The following UNC13C variants were observed in gnomAD, a reference collection of about 807,000 sequenced individuals.
UNC13C encodes the protein protein unc-13 homolog C.
Under a neutral mutation model 245.4 loss-of-function variants are expected in UNC13C, and 174 were observed. That is an observed-to-expected ratio of 0.71 (90% CI 0.63 to 0.80). The LOEUF (loss-of-function observed/expected upper bound fraction) is 0.80. UNC13C is among the 30% of genes least tolerant of loss of function. The pLI is 0.00. For synonymous variants in UNC13C, 992 were observed against 895.1 expected, an observed-to-expected ratio of 1.11 and a Z score of -1.93; for missense variants, 2,829 against 2,602.9, an observed-to-expected ratio of 1.09 and a Z score of -1.89.
chr15:54,449,790 G>A (rs541176730), intron 19 of UNC13C, among the ~76,000 whole-genome samples: 57 of 152,318 alleles, frequency 3.7e-4, no homozygotes, highest in African/African-American at 1.3e-3. Context: ...GTCATTCTCC[G>A]TCCAGCTTTG....
At chr15:54,253,013 C>G (rs762924667) in intron 8 of UNC13C, among the ~76,000 whole-genome samples, 2 of 152,116 alleles carry the variant, frequency 1.3e-5, no homozygotes, top group Non-Finnish European at 2.9e-5. Flanking sequence ...TTTTCAAGTA[C>G]TTAAATTAAT....
At chr15:54,106,468 T>A (rs1900450944) in intron 2 of UNC13C, among the ~76,000 whole-genome samples, 2 of 152,218 alleles carry the variant, frequency 1.3e-5, no homozygotes. Flanking sequence ...GATTCAGATT[T>A]GAGAGGTTAC....
At chr15:53,985,024 G>T (rs950383857) in intron 1 of UNC13C, among the ~76,000 whole-genome samples, 1 of 151,916 alleles carries the variant, frequency 6.6e-6, no homozygotes, top group Non-Finnish European at 1.5e-5. Context: ...GAACGTGCAG[G>T]TTTGTTACAT....
intron 4 of UNC13C, among the ~76,000 whole-genome samples, chr15:54,220,607 A>G (rs1041408610): frequency 6.8e-6 from 1 of 147,322 alleles, no homozygotes; most frequent in Non-Finnish European, 1.5e-5. Flanking sequence ...AATAATAAAA[A>G]TAAAAAAAAT....
Position 54,250,311 on chromosome 15 carries a change from T to A in UNC13C, c.3315T>A (p.Ala1105=). ...TIPHNFEVWT[A]TTPTYCYECE... is the part of the protein sequence containing the mutation. The stretch of plus-strand genomic sequence containing the variant: ...CACACAATTTTGAGGTCTGGACGGC[T>A]ACCACACCCACCTACTGTTATGAGT... The change falls in exon 8 of 33, where the codon GCT becomes GCA. Residue 1105 remains alanine (A), a synonymous_variant. Coordinates refer to ENST00000260323, the MANE Select transcript of UNC13C (RefSeq NM_001080534.3). 6.2e-7 allele frequency: 1 copy of A among 1,613,944 alleles called. No individual in the cohort carries two copies. The highest frequency in any genetic ancestry group is 8.5e-7 in the Non-Finnish European group (1 of 1,179,858).
intron 18 of UNC13C, among the ~76,000 whole-genome samples, chr15:54,414,474 C>T (rs117478900): frequency 6.6e-6 from 1 of 152,006 alleles, no homozygotes; most frequent in Non-Finnish European, 1.5e-5. Flanking sequence ...ATAGTGAAAC[C>T]CTGTCTCTAC....
intron 4 of UNC13C, among the ~76,000 whole-genome samples, chr15:54,172,326 T>G (rs1396734408): frequency 3.3e-5 from 5 of 151,984 alleles, no homozygotes; most frequent in Non-Finnish European, 5.9e-5. Flanking sequence ...CTTATGTGAT[T>G]ATTATGTATT....
chr15:54,454,472 G>A (rs549919783), intron 19 of UNC13C, among the ~76,000 whole-genome samples: 187 of 151,972 alleles, frequency 1.2e-3, no homozygotes, highest in Non-Finnish European at 2.4e-3. Context: ...CAAGGTCTCA[G>A]GAGGCTGAGG....
intron 14 of UNC13C, among the ~76,000 whole-genome samples, chr15:54,325,920 G>A (rs905208664): frequency 4.6e-5 from 7 of 151,978 alleles, no homozygotes; most frequent in South Asian, 2.1e-4. Flanking sequence ...ATTTAATAAG[G>A]TAAATATAAA....
At chr15:54,175,057 C>T (rs376908386) in intron 4 of UNC13C, among the ~76,000 whole-genome samples, 1 of 152,210 alleles carries the variant, frequency 6.6e-6, no homozygotes, top group African/African-American at 2.4e-5. Flanking sequence ...GAATAACCTG[C>T]GCCTTTATCT....
chr15:54,039,398 C>T (rs1250021587), intron 2 of UNC13C, among the ~76,000 whole-genome samples: 1 of 152,148 alleles, frequency 6.6e-6, no homozygotes, highest in South Asian at 2.1e-4. Context: ...GACAATGAAA[C>T]AGAATGACAT....
chr15:54,398,526 C>T (rs1317621129), intron 18 of UNC13C, among the ~76,000 whole-genome samples: 2 of 151,208 alleles, frequency 1.3e-5, no homozygotes, highest in Admixed American at 1.3e-4. Context: ...TAAAATTTGA[C>T]ATTTTCTTTT....
At chr15:54,170,969 A>T (rs2033376740) in intron 4 of UNC13C, among the ~76,000 whole-genome samples, 1 of 152,222 alleles carries the variant, frequency 6.6e-6, no homozygotes. Context: ...GACTATTCAC[A>T]AAGTCCACGT....
At chr15:54,448,958 A>C (rs1890997181) in intron 19 of UNC13C, among the ~76,000 whole-genome samples, 1 of 152,200 alleles carries the variant, frequency 6.6e-6, no homozygotes. Context: ...GAGCTCTTGC[A>C]GGGCAGGCCT....
intron 17 of UNC13C, among the ~76,000 whole-genome samples, chr15:54,362,524 A>G (rs1484887529): frequency 6.6e-6 from 1 of 152,210 alleles, no homozygotes; most frequent in Non-Finnish European, 1.5e-5. Flanking sequence ...TAGTGATACA[A>G]GGGAATCTTA....
chr15:54,147,388 T>G (rs1259365749), intron 4 of UNC13C, among the ~76,000 whole-genome samples: 1 of 151,878 alleles, frequency 6.6e-6, no homozygotes, highest in Non-Finnish European at 1.5e-5. Context: ...CCCGGCCATT[T>G]TTTTGTATTT....
intron 1 of UNC13C, among the ~76,000 whole-genome samples, chr15:53,986,245 A>G (rs1279993471): frequency 6.6e-6 from 1 of 152,042 alleles, no homozygotes; most frequent in Non-Finnish European, 1.5e-5. Flanking sequence ...TCCTTGTTTG[A>G]ACTTGAAATG....
At chr15:54,025,865 A>G (rs1184301568) in intron 2 of UNC13C, among the ~76,000 whole-genome samples, 7 of 152,192 alleles carry the variant, frequency 4.6e-5, no homozygotes, top group African/African-American at 1.7e-4. Flanking sequence ...TGTTGACCGC[A>G]TATAATCATG....
At chr15:54,066,063 A>T (rs1898062304) in intron 2 of UNC13C, among the ~76,000 whole-genome samples, 1 of 152,256 alleles carries the variant, frequency 6.6e-6, no homozygotes, top group Non-Finnish European at 1.5e-5. Context: ...ATATTACTTC[A>T]GCAGTTTTAA....
Sources: gnomAD v4.1 joint callset for allele counts (sites outside exome capture counted in the v4.1 genomes callset) on GRCh38, gnomAD v4.1.1 for gene constraint, MANE v1.5 for transcripts, NCBI Gene and HGNC (gene_info 2026-07-23, HGNC 2026-07-21) for gene names.